The following TNFAIP6 variants were observed in gnomAD, a reference collection of about 807,000 sequenced individuals.
The protein encoded by TNFAIP6 is TNF alpha induced protein 6.
A neutral mutation model predicts 33.7 loss-of-function variants in TNFAIP6; 36 were observed. That is an observed-to-expected ratio of 1.07 (90% CI 0.82 to 1.41). TNFAIP6 has a LOEUF of 1.41. Among genes scored for constraint, TNFAIP6 ranks in the 40% most tolerant of loss-of-function variants. The pLI is 0.00. For missense variants in TNFAIP6, 273 were observed against 331.9 expected (o/e 0.82, Z 1.38); for synonymous variants, 113 against 112.8 (o/e 1.00, Z -0.01).
At chr2:151,376,766 C>A in intron 5 of TNFAIP6, among the ~76,000 whole-genome samples, 1 of 150,240 alleles carries the variant, frequency 6.7e-6, no homozygotes, top group African/African-American at 2.5e-5. Flanking sequence ...TGTTATTCAA[C>A]GTTTCAATGA....
At chr2:151,377,947 C>G (rs895762580) in intron 5 of TNFAIP6, among the ~76,000 whole-genome samples, 1 of 152,170 alleles carries the variant, frequency 6.6e-6, no homozygotes, top group Non-Finnish European at 1.5e-5. Context: ...AGTAGTCACT[C>G]TGTGCCTCAG....
rs1684979745 is a variant in TNFAIP6 at position 151,379,556 on chromosome 2, AACAC to A, written c.*27_*30del. Reference sequence around the variant, plus strand: ...TAAAAAAAAAAAAAAGGATGATCAAAACACACAGTGTTTATGTTGGAATCTTTTG... The same window carrying A: ...TAAAAAAAAAAAAAAGGATGATCAAAACAGTGTTTATGTTGGAATCTTTTG... On this transcript the variant is annotated 3_prime_UTR_variant, in exon 6 of 6. Transcript: ENST00000243347. The A allele has an allele frequency of 1.3e-6, 2 of 1,495,244 alleles. No homozygotes were observed. The highest frequency in any genetic ancestry group is 2.9e-5 in the African/African-American group (2 of 69,850). The allele number at this position is 1,495,244 out of a possible 1,614,324, so 92.6% of individuals were successfully genotyped here.
intron 3 of TNFAIP6, among the ~76,000 whole-genome samples, chr2:151,368,055 C>T (rs1011174212): frequency 2.6e-5 from 4 of 151,828 alleles, no homozygotes; most frequent in Admixed American, 6.6e-5. Flanking sequence ...TTAATATATA[C>T]AACAAAGATT....
chr2:151,362,873 A>C (rs762112954), intron 1 of TNFAIP6, among the ~76,000 whole-genome samples: 2 of 152,172 alleles, frequency 1.3e-5, no homozygotes, highest in Admixed American at 6.5e-5. Context: ...AGCCTACATA[A>C]TGGATCCATC....
chr2:151,367,492 C>G (rs1460600615), intron 3 of TNFAIP6, among the ~76,000 whole-genome samples: 7 of 152,062 alleles, frequency 4.6e-5, no homozygotes, highest in African/African-American at 1.4e-4. Flanking sequence ...AATGTATTCT[C>G]TGATTCTTCT....
intron 4 of TNFAIP6, among the ~76,000 whole-genome samples, chr2:151,371,561 TG>T (rs1352533940): frequency 6.6e-6 from 1 of 152,120 alleles, no homozygotes; most frequent in African/African-American, 2.4e-5. Context: ...AAATATTTTT[TG>T]TTTTGTTTTC....
At position 151,366,040 on chromosome 2, in the gene TNFAIP6, CT is replaced by C. The variant is rs749378391; in HGVS notation, c.233-11del. ...CAGTTTACCTGTTTAGTCCATAACT[CT>C]TTTTCTTCTTGCAGGATTTCATGTC... On this transcript the variant is annotated splice_polypyrimidine_tract_variant and intron_variant, in intron 2 of 5. Transcript: ENST00000243347. 6.2e-7 allele frequency: 1 copy of C among 1,613,524 alleles called. No individual in the cohort carries two copies. The highest frequency in any genetic ancestry group is 1.3e-5 in the African/African-American group (1 of 74,898).
At chr2:151,373,926 G>A (rs1216359491) in intron 5 of TNFAIP6, among the ~76,000 whole-genome samples, 2 of 151,956 alleles carry the variant, frequency 1.3e-5, no homozygotes, top group East Asian at 3.9e-4. Flanking sequence ...ATTGATAAAG[G>A]GTTGAAGTCA....
chr2:151,379,464 A>G lies in TNFAIP6; in HGVS notation c.765A>G (p.Gln255=). 1 of 1,608,902 alleles carries G rather than the reference A, an allele frequency of 6.2e-7. No individual in the cohort carries two copies. The highest frequency in any genetic ancestry group is 1.3e-5 in the African/African-American group (1 of 74,642). Residue 255 remains glutamine (Q), a synonymous_variant, in exon 6 of 6, where the codon CAA becomes CAG. Coordinates refer to ENST00000243347, the MANE Select transcript of TNFAIP6 (RefSeq NM_007115.4). ...VAMDPVSKSS[Q]GKNTSTTSTG... ...TGGATCCTGTATCCAAATCCAGTCA[A>G]GGAAAAAATACAAGTACTACTTCTA... is the stretch of plus-strand genomic sequence containing the variant.
intron 5 of TNFAIP6, 170 bp downstream of exon 5, chr2:151,373,759 AAT>A: frequency 5.5e-6 from 2 of 361,168 alleles, no homozygotes; most frequent in Non-Finnish European, 9.9e-6. Context: ...AAAAAAAAAA[AAT>A]TAAAGATTTA....
At chr2:151,363,899 A>G in intron 1 of TNFAIP6, 44 bp from the exon 2 acceptor site, 2 of 1,600,282 alleles carry the variant, frequency 1.2e-6, no homozygotes, top group Non-Finnish European at 8.5e-7. Flanking sequence ...CCTGTTCCGT[A>G]AGAAGGAACA....
At chr2:151,380,358 A>T (rs1684993920), downstream of TNFAIP6, among the ~76,000 whole-genome samples, 2 of 151,950 alleles carry the variant, frequency 1.3e-5, no homozygotes, top group Non-Finnish European at 2.9e-5. Context: ...TTTAGTTTAT[A>T]TTTTGTCTTT....
chr2:151,367,517 T>G (rs1684733982), intron 3 of TNFAIP6, among the ~76,000 whole-genome samples: 1 of 152,172 alleles, frequency 6.6e-6, no homozygotes, highest in African/African-American at 2.4e-5. Context: ...CTTGATAAAC[T>G]TTAGGATCTC....
At chr2:151,365,332 G>A (rs1041149941) in intron 2 of TNFAIP6, among the ~76,000 whole-genome samples, 3 of 151,692 alleles carry the variant, frequency 2.0e-5, no homozygotes, top group East Asian at 1.9e-4. Flanking sequence ...GACAGAGCAA[G>A]ACCATGTCTC....
intron 5 of TNFAIP6, 114 bp from the exon 6 acceptor site, chr2:151,379,250 G>T: frequency 1.0e-6 from 1 of 997,248 alleles, no homozygotes; most frequent in Non-Finnish European, 1.4e-6. Flanking sequence ...CTGAATTCTG[G>T]GAATCTTGTT....
In TNFAIP6 at chr2:151,373,573, T is replaced by C. The variant is rs1220406713; in HGVS notation, c.648T>C (p.Asp216=). ...GATACTGTGGAGATGAGCTTCCAGA[T>C]GACATCATCAGTACAGGTAAGGTTT... ...VGRYCGDELP[D]DIISTGNVMT... Residue 216 remains aspartate (D), a synonymous_variant, in exon 5 of 6, where the codon GAT becomes GAC. Transcript: ENST00000243347. 3.2e-6 allele frequency: 5 copies of C among 1,556,958 alleles called. No individual in the cohort carries two copies. In the South Asian group the frequency reaches 3.7e-5, roughly 11 times the overall value.
intron 1 of TNFAIP6, among the ~76,000 whole-genome samples, chr2:151,363,027 T>G (rs1375753831): frequency 6.6e-6 from 1 of 152,194 alleles, no homozygotes; most frequent in African/African-American, 2.4e-5. Flanking sequence ...TTAAAAACTT[T>G]ATTTTAGGCC....
intron 5 of TNFAIP6, among the ~76,000 whole-genome samples, chr2:151,378,177 A>G (rs991402755): frequency 2.0e-5 from 3 of 152,182 alleles, no homozygotes; most frequent in African/African-American, 7.2e-5. Flanking sequence ...CCTGGGCAAC[A>G]TAGTGAGATC....
Position 151,357,658 on chromosome 2 carries a change from A to G in TNFAIP6, c.-9A>G. 2 of 1,586,498 alleles carry G rather than the reference A, an allele frequency of 1.3e-6. No individual in the cohort carries two copies. Among genetic ancestry groups the G allele is most frequent in the Non-Finnish European group, 8.7e-7 (1 of 1,155,150 alleles). On this transcript the variant is annotated 5_prime_UTR_variant, in exon 1 of 6. Coordinates refer to ENST00000243347, the MANE Select transcript of TNFAIP6 (RefSeq NM_007115.4). ...CCTAACAGGCTGTTACTTCACTACAACTGACGATATGATCATCTTAATTTA... is the reference window on the plus strand; with the variant it reads ...CCTAACAGGCTGTTACTTCACTACAGCTGACGATATGATCATCTTAATTTA...
Sources: gnomAD v4.1 joint callset for allele counts (sites outside exome capture counted in the v4.1 genomes callset) on GRCh38, gnomAD v4.1.1 for gene constraint, MANE v1.5 for transcripts, NCBI Gene and HGNC (gene_info 2026-07-23, HGNC 2026-07-21) for gene names.